Variants in KCNMA1 observed in about 807,000 individuals in gnomAD.
KCNMA1 encodes Calcium-activated potassium channel subunit alpha-1.
KCNMA1 carries 29 observed loss-of-function variants against 140.0 expected under a neutral mutation model. That is an observed-to-expected ratio of 0.21 (90% confidence interval 0.15 to 0.28). The LOEUF (loss-of-function observed/expected upper bound fraction) is 0.28. Among genes scored for constraint, KCNMA1 ranks in the 10% least tolerant of loss-of-function variants. The pLI, the probability that KCNMA1 is intolerant of heterozygous loss-of-function variation, is 1.00. For missense variants in KCNMA1, 880 were observed against 1,602.2 expected (o/e 0.55, Z 7.70); for synonymous variants, 612 against 611.9 (o/e 1.00, Z 0.00).
At chr10:77,496,234 G>A (rs568966299) in intron 1 of KCNMA1, among the ~76,000 whole-genome samples, 73 of 152,174 alleles carry the variant, frequency 4.8e-4, no homozygotes, top group Non-Finnish European at 6.6e-4. Flanking sequence ...CACCAGGTGC[G>A]GGTCTTCAAG....
At chr10:77,226,684 C>T (rs2051548649) in intron 3 of KCNMA1, among the ~76,000 whole-genome samples, 1 of 152,176 alleles carries the variant, frequency 6.6e-6, no homozygotes, top group Non-Finnish European at 1.5e-5. Flanking sequence ...AAGTAATCTA[C>T]AACAGAGCCA....
chr10:77,518,410 C>T (rs1196083900), intron 1 of KCNMA1, among the ~76,000 whole-genome samples: 1 of 152,164 alleles, frequency 6.6e-6, no homozygotes, highest in Non-Finnish European at 1.5e-5. Context: ...ACTTCTTGTT[C>T]CTTTGGGTTA....
chr10:77,498,146 C>A (rs1246448537), intron 1 of KCNMA1, among the ~76,000 whole-genome samples: 3 of 152,174 alleles, frequency 2.0e-5, no homozygotes, highest in Admixed American at 1.3e-4. Flanking sequence ...CCTTGGGCAG[C>A]TTTGCTCCCT....
chr10:77,170,493 GGTCAGAGGTGAGGCTCCATCCCTGGGAGA>G (rs2098692961), intron 5 of KCNMA1, among the ~76,000 whole-genome samples: 1 of 61,578 alleles, frequency 1.6e-5, no homozygotes, highest in East Asian at 5.4e-4. Flanking sequence ...CCTGGGAGAA[GGTCAGAGGTGAGGCTCCATCCCTGGGAGA>G]AGGTCAGAGG....
intron 1 of KCNMA1, among the ~76,000 whole-genome samples, chr10:77,499,456 C>CACAT (rs551595637): frequency 1.5e-4 from 22 of 148,854 alleles, no homozygotes; most frequent in African/African-American, 5.5e-4. Context: ...CACACACACA[C>CACAT]ATATATATAT....
In KCNMA1 at chr10:77,224,929, G is replaced by A. The variant is rs968369802; in HGVS notation, c.602+26266C>T. 5.4e-4 allele frequency among the ~76,000 whole-genome samples: 82 copies of A among 152,130 alleles called. 1 individual carries two copies. The highest frequency in any genetic ancestry group is 5.0e-3 in the Admixed American group (77 of 15,276). On this transcript the variant is annotated intron_variant, in intron 3 of 27. Coordinates refer to ENST00000286628, the MANE Select transcript of KCNMA1 (RefSeq NM_001161352.2). ...TACTTCCCATGCTGTTGTTGGCGCC[G>A]CTGCTCCCACTTGTCAGATACCATG...
At chr10:76,942,247 C>T (rs1260797382) in intron 23 of KCNMA1, among the ~76,000 whole-genome samples, 1 of 152,128 alleles carries the variant, frequency 6.6e-6, no homozygotes, top group African/African-American at 2.4e-5. Context: ...CGTGAGCCAC[C>T]ATGCCTGGCC....
chr10:77,271,399 C>T (rs1320684392), intron 2 of KCNMA1, among the ~76,000 whole-genome samples: 1 of 152,136 alleles, frequency 6.6e-6, no homozygotes, highest in Admixed American at 6.5e-5. Flanking sequence ...TCCTGAGTGA[C>T]ATGGGTGCTC....
chr10:77,352,467 A>C (rs2092996691), intron 2 of KCNMA1, among the ~76,000 whole-genome samples: 1 of 152,228 alleles, frequency 6.6e-6, no homozygotes, highest in Non-Finnish European at 1.5e-5. Flanking sequence ...TATGGTAGCC[A>C]CTAACCACAC....
At chr10:77,487,285 C>A (rs1394161392) in intron 1 of KCNMA1, among the ~76,000 whole-genome samples, 2 of 152,046 alleles carry the variant, frequency 1.3e-5, no homozygotes, top group African/African-American at 2.4e-5. Context: ...GGTATGTCAA[C>A]TGGAACACAC....
chr10:77,183,276 A>G, intron 5 of KCNMA1, 145 bp downstream of exon 5: 2 of 699,052 alleles, frequency 2.9e-6, no homozygotes, highest in Non-Finnish European at 5.2e-6. Context: ...TGCCACCATC[A>G]ACTTCTAAAA....
chr10:77,636,694 C>G, intron 1 of KCNMA1: 2 of 1,529,672 alleles, frequency 1.3e-6, no homozygotes, highest in East Asian at 2.4e-5. Context: ...CTCGAAGTCC[C>G]CCTGTTATCT....
intron 14 of KCNMA1, among the ~76,000 whole-genome samples, chr10:77,058,351 T>C (rs898557395): frequency 1.6e-4 from 24 of 152,074 alleles, no homozygotes; most frequent in Non-Finnish European, 2.5e-4. Context: ...GATGCAGAAC[T>C]AGCAGACAGG....
intron 2 of KCNMA1, among the ~76,000 whole-genome samples, chr10:77,305,392 A>G (rs952731110): frequency 9.9e-5 from 15 of 152,266 alleles, no homozygotes; most frequent in African/African-American, 3.4e-4. Flanking sequence ...ATGGGTCTCA[A>G]CTTATAGAGA....
At chr10:76,967,514 T>TA (rs2074408800) in intron 20 of KCNMA1, among the ~76,000 whole-genome samples, 1 of 152,258 alleles carries the variant, frequency 6.6e-6, no homozygotes, top group South Asian at 2.1e-4. Flanking sequence ...CCCTGAGGTC[T>TA]TTCTGTAAAC....
intron 5 of KCNMA1, among the ~76,000 whole-genome samples, chr10:77,124,448 A>G (rs1477317782): frequency 6.6e-5 from 10 of 152,218 alleles, no homozygotes; most frequent in Non-Finnish European, 1.5e-4. Context: ...AGCTCTGAGC[A>G]CCTTCTTAAC....
intron 1 of KCNMA1, among the ~76,000 whole-genome samples, chr10:77,485,702 C>T (rs912400745): frequency 1.3e-5 from 2 of 152,170 alleles, no homozygotes; most frequent in African/African-American, 4.8e-5. Context: ...GAGACTGAGC[C>T]CTCACTTCTA....
chr10:77,463,580 G>A (rs2097919220), intron 1 of KCNMA1, among the ~76,000 whole-genome samples: 1 of 152,138 alleles, frequency 6.6e-6, no homozygotes, highest in African/African-American at 2.4e-5. Context: ...TACAAACTAG[G>A]TTAGCACTCA....
chr10:77,346,868 GC>G (rs2092246816), intron 2 of KCNMA1, among the ~76,000 whole-genome samples: 1 of 152,208 alleles, frequency 6.6e-6, no homozygotes, highest in Non-Finnish European at 1.5e-5. Flanking sequence ...CCAAGGGACA[GC>G]CCTGTCCAGC....
Sources: allele counts gnomAD v4.1 joint callset (sites outside exome capture counted in the v4.1 genomes callset), GRCh38; gene constraint gnomAD v4.1.1; transcripts MANE v1.5; gene names NCBI Gene and HGNC (gene_info 2026-07-23, HGNC 2026-07-21).